Variants in OSBPL11 observed in about 807,000 individuals in gnomAD.
OSBPL11 encodes the protein oxysterol-binding protein-related protein 11.
A neutral mutation model predicts 84.4 loss-of-function variants in OSBPL11; 33 were observed. That is an observed-to-expected ratio of 0.39 (90% confidence interval 0.30 to 0.52). The LOEUF is 0.52. Among genes scored for constraint, OSBPL11 ranks in the 20% least tolerant of loss-of-function variants. OSBPL11 has a pLI of 0.72. For missense variants in OSBPL11, 736 were observed against 901.1 expected, an observed-to-expected ratio of 0.82 and a Z score of 2.35; for synonymous variants, 276 against 310.2, an observed-to-expected ratio of 0.89 and a Z score of 1.16.
At position 125,533,097 on chromosome 3, in the gene OSBPL11, T is replaced by C. The variant is rs1482723443; in HGVS notation, c.2025-1083A>G. ...GGATGAAAATATTCTAAAACTTATT[T>C]ATGGTAATGACTGTACTACTCGAGA... On this transcript the variant is annotated intron_variant, in intron 11 of 12. Coordinates refer to ENST00000296220, the MANE Select transcript of OSBPL11 (RefSeq NM_022776.5). Among the ~76,000 whole-genome samples, 6 of 152,124 alleles carry C rather than the reference T, an allele frequency of 3.9e-5. No homozygotes were observed. The East Asian group carries it at 1.2e-3, about 29-fold the overall frequency.
In OSBPL11 at chr3:125,566,795, T is replaced by TA. The variant is rs201856108; in HGVS notation, c.868+598_868+599insT. On this transcript the variant is annotated intron_variant, in intron 6 of 12. Transcript: ENST00000296220. ...ATATATGTGTGTATATATATATATA[T>TA]TTTTTTTTTAATGGGGTCTCATTCT... 6.9e-3 allele frequency among the ~76,000 whole-genome samples: 1,005 copies of TA among 144,900 alleles called. 5 individuals carry two copies. The highest frequency in any genetic ancestry group is 0.021 in the Middle Eastern group (6 of 282).
Position 125,567,403 on chromosome 3 carries a change from A to G in OSBPL11, c.859T>C (p.Leu287=), listed in dbSNP as rs372483868. 83 of 1,613,184 alleles carry G rather than the reference A, an allele frequency of 5.1e-5. No individual in the cohort carries two copies. Among genetic ancestry groups the G allele is most frequent in the Non-Finnish European group, 6.4e-5 (76 of 1,179,172 alleles). The stretch of plus-strand genomic sequence containing the variant: ...TTAATCGACAACTTACCTGAAGGCA[A>G]TGAGCCCTTCTGATGTGATGCATGC... ...LQHASHQKGS[L]PSGTTIEWLE... Residue 287 remains leucine (L), a synonymous_variant, in exon 6 of 13, where the codon TTG becomes CTG. Coordinates refer to ENST00000296220, the MANE Select transcript of OSBPL11 (RefSeq NM_022776.5).
intron 8 of OSBPL11, among the ~76,000 whole-genome samples, chr3:125,554,685 T>A (rs1003094415): frequency 6.6e-6 from 1 of 151,954 alleles, no homozygotes; most frequent in African/African-American, 2.4e-5. Flanking sequence ...TAAGAAGATA[T>A]TATATACATA....
intron 9 of OSBPL11, among the ~76,000 whole-genome samples, chr3:125,551,810 T>C (rs1935913347): frequency 6.6e-6 from 1 of 151,724 alleles, no homozygotes; most frequent in Non-Finnish European, 1.5e-5. Context: ...CGAAAAGAAA[T>C]ATTTAAAATC....
chr3:125,544,377 T>C (rs1168727531), intron 10 of OSBPL11, among the ~76,000 whole-genome samples: 1 of 152,138 alleles, frequency 6.6e-6, no homozygotes, highest in Admixed American at 6.6e-5. Flanking sequence ...TAAGAAGCAA[T>C]TTTACCAAAT....
At position 125,552,244 on chromosome 3, in the gene OSBPL11, C is replaced by G; in HGVS notation, c.1591G>C (p.Ala531Pro). The change falls in exon 9 of 13, where the codon GCG (alanine) becomes CCG (proline). Residue 531 changes from alanine to proline, a missense_variant. Around this residue, in one of 3 missense-constraint regions of OSBPL11, gnomAD observed 579 missense variants for 717.6 expected, o/e 0.81. Transcript: ENST00000296220. ...ECTERKMCVN[A>P]HVWTKSKFLG... Reference sequence around the variant, plus strand: ...AACTTGCTCTTAGTCCAGACATGCGCATTTACACACATCTTCCTCTCTGTA... The same window carrying G: ...AACTTGCTCTTAGTCCAGACATGCGGATTTACACACATCTTCCTCTCTGTA... The G allele has an allele frequency of 6.2e-7, 1 of 1,613,986 alleles. No individual in the cohort carries two copies. Among genetic ancestry groups the G allele is most frequent in the Non-Finnish European group, 8.5e-7 (1 of 1,179,984 alleles).
chr3:125,542,929 G>A (rs931304953), intron 10 of OSBPL11, among the ~76,000 whole-genome samples: 4 of 152,120 alleles, frequency 2.6e-5, no homozygotes, highest in Admixed American at 6.5e-5. Flanking sequence ...ACAGGCATGA[G>A]CCACTGTGCC....
intron 5 of OSBPL11, among the ~76,000 whole-genome samples, chr3:125,570,933 G>C (rs1306936852): frequency 6.6e-6 from 1 of 152,238 alleles, no homozygotes; most frequent in African/African-American, 2.4e-5. Flanking sequence ...AAATGTGGAA[G>C]TGACTTTGGA....
At chr3:125,589,084 C>G (rs1414538447) in intron 1 of OSBPL11, among the ~76,000 whole-genome samples, 1 of 152,084 alleles carries the variant, frequency 6.6e-6, no homozygotes, top group Non-Finnish European at 1.5e-5. Context: ...TGCGGTGGCT[C>G]ACGCCTGTAA....
At chr3:125,560,245 G>C (rs908823481) in intron 8 of OSBPL11, 134 bp downstream of exon 8, 14 of 794,478 alleles carry the variant, frequency 1.8e-5, no homozygotes, top group Admixed American at 1.2e-4. Flanking sequence ...TGGGCAACAA[G>C]AGCAAAACTC....
intron 1 of OSBPL11, among the ~76,000 whole-genome samples, chr3:125,591,527 G>C (rs1936594672): frequency 6.6e-6 from 1 of 152,136 alleles, no homozygotes; most frequent in South Asian, 2.1e-4. Flanking sequence ...CAGTTCATGA[G>C]GAACTGAGTT....
At chr3:125,586,757 C>T (rs906108231) in intron 1 of OSBPL11, among the ~76,000 whole-genome samples, 3 of 152,112 alleles carry the variant, frequency 2.0e-5, no homozygotes, top group Non-Finnish European at 2.9e-5. Context: ...CCTCGTGATC[C>T]GCCTGCCTCG....
intron 1 of OSBPL11, among the ~76,000 whole-genome samples, chr3:125,590,390 A>G (rs1182129741): frequency 1.3e-5 from 2 of 152,060 alleles, no homozygotes; most frequent in Non-Finnish European, 2.9e-5. Flanking sequence ...TCTCTACTAA[A>G]AATACAAAAA....
intron 9 of OSBPL11, among the ~76,000 whole-genome samples, chr3:125,551,855 G>C (rs1935913893): frequency 6.6e-6 from 1 of 151,936 alleles, no homozygotes; most frequent in Non-Finnish European, 1.5e-5. Context: ...ATTTACATTA[G>C]TTCATAGATA....
intron 1 of OSBPL11, among the ~76,000 whole-genome samples, 174 bp downstream of exon 1, chr3:125,594,461 AAC>A (rs2107616580): frequency 6.6e-6 from 1 of 152,368 alleles, no homozygotes; most frequent in African/African-American, 2.4e-5. Context: ...CTGTTGAATG[AAC>A]AAATGAATGG....
intron 2 of OSBPL11, among the ~76,000 whole-genome samples, chr3:125,580,697 C>A: frequency 6.6e-6 from 1 of 151,838 alleles, no homozygotes. Context: ...GGTAAACTGC[C>A]AAAGGACAAA....
chr3:125,552,787 A>G (rs1935932340), intron 8 of OSBPL11, 108 bp from the exon 9 acceptor site: 21 of 1,279,026 alleles, frequency 1.6e-5, no homozygotes, highest in Non-Finnish European at 2.1e-5. Context: ...TATTAAAAAC[A>G]AAGTCACAAA....
At chr3:125,534,951 G>GGA (rs375718027) in intron 11 of OSBPL11, among the ~76,000 whole-genome samples, 1 of 64,640 alleles carries the variant, frequency 1.5e-5, no homozygotes, top group Admixed American at 1.9e-4. Context: ...TAAGAAATTA[G>GGA]AAAAAAAAAA....
intron 2 of OSBPL11, among the ~76,000 whole-genome samples, chr3:125,581,112 A>C (rs1355341870): frequency 6.9e-6 from 1 of 145,686 alleles, no homozygotes; most frequent in Admixed American, 6.8e-5. Context: ...TTTTTTTTTG[A>C]GATGGAGTCG....
Sources: allele counts gnomAD v4.1 joint callset (sites outside exome capture counted in the v4.1 genomes callset), GRCh38; gene constraint gnomAD v4.1.1; regional missense constraint gnomAD v4.1.1; transcripts MANE v1.5; gene names NCBI Gene and HGNC (gene_info 2026-07-23, HGNC 2026-07-21).